PDE4D: variants seen among roughly 807,000 people sequenced by gnomAD.
PDE4D encodes the protein phosphodiesterase 4D, also known as 3',5'-cyclic-AMP phosphodiesterase 4D.
In PDE4D, 24 loss-of-function variants were observed where a neutral mutation model predicts 87.4. The ratio of observed to expected loss-of-function variants is 0.27; its 90% CI spans 0.20 to 0.39. The LOEUF is 0.39. PDE4D is among the 10% of genes least tolerant of loss of function. The pLI is 1.00. For synonymous variants in PDE4D, 384 were observed against 383.2 expected (o/e 1.00, Z -0.02); for missense variants, 714 against 1,041.0 (o/e 0.69, Z 4.32).
intron 1 of PDE4D, among the ~76,000 whole-genome samples, chr5:59,304,729 C>T (rs1312078329): frequency 6.6e-6 from 1 of 152,130 alleles, no homozygotes; most frequent in Non-Finnish European, 1.5e-5. Flanking sequence ...ACCATCTCTG[C>T]ACCCCTGGTA....
At chr5:59,134,671 G>A (rs1776777599) in intron 5 of PDE4D, among the ~76,000 whole-genome samples, 1 of 152,108 alleles carries the variant, frequency 6.6e-6, no homozygotes, top group African/African-American at 2.4e-5. Context: ...TTCTCCTAGT[G>A]CTTGCACATA....
upstream of PDE4D, among the ~76,000 whole-genome samples, chr5:59,898,059 C>T (rs185829571): frequency 5.3e-5 from 8 of 152,214 alleles, no homozygotes; most frequent in African/African-American, 1.7e-4. Context: ...TATTAGGCTG[C>T]TTTTCAGTAA....
At chr5:59,327,896 C>T (rs976549401) in intron 1 of PDE4D, among the ~76,000 whole-genome samples, 3 of 152,018 alleles carry the variant, frequency 2.0e-5, no homozygotes, top group African/African-American at 7.2e-5. Context: ...GAGGATAAAG[C>T]TCTGTATATT....
chr5:59,390,737 G>A (rs1235808114), intron 1 of PDE4D, among the ~76,000 whole-genome samples: 2 of 151,992 alleles, frequency 1.3e-5, no homozygotes, highest in East Asian at 1.9e-4. Context: ...GGAGGTAAGG[G>A]GAAGATATTT....
At chr5:59,706,976 TACAG>T (rs561710785) in intron 1 of PDE4D, among the ~76,000 whole-genome samples, 2 of 152,180 alleles carry the variant, frequency 1.3e-5, no homozygotes, top group Non-Finnish European at 2.9e-5. Context: ...AAACCAGTAA[TACAG>T]ACATAGTGTC....
intron 1 of PDE4D, among the ~76,000 whole-genome samples, chr5:59,423,599 A>C (rs1282163348): frequency 6.6e-6 from 1 of 152,210 alleles, no homozygotes; most frequent in Non-Finnish European, 1.5e-5. Context: ...AGGCACTTCC[A>C]TTTGGAAATA....
chr5:59,505,841 G>A (rs1174067211), intron 1 of PDE4D, among the ~76,000 whole-genome samples: 2 of 152,074 alleles, frequency 1.3e-5, no homozygotes, highest in Non-Finnish European at 2.9e-5. Flanking sequence ...TAGGAAAGAA[G>A]CACATTTTTT....
At chr5:60,450,657 G>C (rs903771973) in intron 1 of PDE4D, among the ~76,000 whole-genome samples, 6 of 152,014 alleles carry the variant, frequency 3.9e-5, no homozygotes, top group African/African-American at 1.4e-4. Context: ...AAGTAAATTA[G>C]GGCCACTATT....
At chr5:60,280,980 C>T (rs186204824) in intron 1 of PDE4D, among the ~76,000 whole-genome samples, 25 of 152,300 alleles carry the variant, frequency 1.6e-4, no homozygotes, top group Non-Finnish European at 2.8e-4. Flanking sequence ...ATGTGAAACA[C>T]ACTGCCTGCT....
intron 1 of PDE4D, among the ~76,000 whole-genome samples, chr5:59,854,293 T>A (rs1329889831): frequency 6.6e-6 from 1 of 151,738 alleles, no homozygotes; most frequent in Non-Finnish European, 1.5e-5. Flanking sequence ...ATTTTTTACA[T>A]GCCCACCTAT....
chr5:59,605,013 C>T (rs1828003867), intron 1 of PDE4D, among the ~76,000 whole-genome samples: 1 of 151,972 alleles, frequency 6.6e-6, no homozygotes, highest in South Asian at 2.1e-4. Flanking sequence ...CAACAAAAGT[C>T]TGTTTCTTTC....
chr5:59,355,414 C>A (rs1247688867), intron 1 of PDE4D, among the ~76,000 whole-genome samples: 2 of 152,054 alleles, frequency 1.3e-5, no homozygotes, highest in Non-Finnish European at 1.5e-5. Flanking sequence ...GTTATCAGAT[C>A]TAGTGATGAA....
At chr5:59,714,670 C>G (rs902009298) in intron 1 of PDE4D, among the ~76,000 whole-genome samples, 3 of 152,200 alleles carry the variant, frequency 2.0e-5, no homozygotes, top group African/African-American at 7.2e-5. Context: ...CTCTAGAGAG[C>G]CAGGAACAGT....
At chr5:59,374,215 T>A (rs1450096201) in intron 1 of PDE4D, among the ~76,000 whole-genome samples, 1 of 152,104 alleles carries the variant, frequency 6.6e-6, no homozygotes, top group Admixed American at 6.5e-5. Context: ...ATGCCTCAAT[T>A]AAAAGACACA....
At position 59,084,290 on chromosome 5, in the gene PDE4D, G is replaced by A. The variant is rs556835919; in HGVS notation, c.809-45319C>T. Among the ~76,000 whole-genome samples, 12 of 151,792 alleles carry A rather than the reference G, an allele frequency of 7.9e-5. No homozygotes were observed. The East Asian group carries it at 2.1e-3, about 27-fold the overall frequency. ...GAAAATCTAGGAAAAGAACATCAGA[G>A]CCCTGAAATAAAGTAAAATAAATTC... On this transcript the variant is annotated intron_variant, in intron 5 of 14. Transcript: ENST00000340635.
At chr5:59,809,448 A>G (rs958693668) in intron 1 of PDE4D, among the ~76,000 whole-genome samples, 9 of 152,220 alleles carry the variant, frequency 5.9e-5, no homozygotes, top group African/African-American at 2.2e-4. Flanking sequence ...AAATTTCCCA[A>G]TAAAGAAGAA....
chr5:59,215,186 A>G (rs1222375564), intron 2 of PDE4D, among the ~76,000 whole-genome samples: 1 of 152,190 alleles, frequency 6.6e-6, no homozygotes, highest in Non-Finnish European at 1.5e-5. Flanking sequence ...TTGTTTTTCA[A>G]GCTGTACTAT....
At chr5:59,091,221 T>A (rs1377251312) in intron 5 of PDE4D, 1 of 426,898 alleles carries the variant, frequency 2.3e-6, no homozygotes, top group African/African-American at 2.1e-5. Context: ...CTTTGTCAAA[T>A]GCTTTCTGCT....
intron 1 of PDE4D, among the ~76,000 whole-genome samples, chr5:59,846,355 G>A (rs1040348952): frequency 6.6e-6 from 1 of 152,032 alleles, no homozygotes. Flanking sequence ...GAGAAGAGCT[G>A]TCAGATCGGA....
Sources: allele counts gnomAD v4.1 joint callset (sites outside exome capture counted in the v4.1 genomes callset), GRCh38; gene constraint gnomAD v4.1.1; transcripts MANE v1.5; gene names NCBI Gene and HGNC (gene_info 2026-07-23, HGNC 2026-07-21).